The following NAALADL2 variants were observed in gnomAD, a reference collection of about 807,000 sequenced individuals.
The protein encoded by NAALADL2 is N-acetylated alpha-linked acidic dipeptidase like 2, also known as inactive N-acetylated-alpha-linked acidic dipeptidase-like protein 2.
A neutral mutation model predicts 87.2 loss-of-function variants in NAALADL2; 76 were observed. The observed-to-expected ratio is 0.87, with a 90% CI of 0.72 to 1.05. NAALADL2 has a LOEUF of 1.05. Ranked by LOEUF, NAALADL2 falls within the 50% of genes least tolerant of loss-of-function variation. The pLI, the probability that NAALADL2 is intolerant of heterozygous loss-of-function variation, is 0.00. For missense variants in NAALADL2, 1,089 were observed against 945.8 expected (o/e 1.15, Z -1.99); for synonymous variants, 354 against 331.0 (o/e 1.07, Z -0.75).
chr3:174,700,591 A>G (rs1729460134), intron 2 of NAALADL2, among the ~76,000 whole-genome samples: 1 of 152,156 alleles, frequency 6.6e-6, no homozygotes, highest in South Asian at 2.1e-4. Context: ...AAAAAAATGT[A>G]TTGAATGCTT....
At chr3:175,193,021 A>G (rs1738437333) in intron 2 of NAALADL2, among the ~76,000 whole-genome samples, 1 of 151,930 alleles carries the variant, frequency 6.6e-6, no homozygotes, top group African/African-American at 2.4e-5. Flanking sequence ...TCACACACTT[A>G]TCACTGGATT....
At chr3:174,457,752 A>G (rs1050149608) in intron 1 of NAALADL2, among the ~76,000 whole-genome samples, 1 of 152,116 alleles carries the variant, frequency 6.6e-6, no homozygotes, top group Non-Finnish European at 1.5e-5. Context: ...TGGAGGTTGT[A>G]GTGAGCTAAG....
intron 1 of NAALADL2, among the ~76,000 whole-genome samples, chr3:174,878,087 A>G (rs538944248): frequency 1.3e-5 from 2 of 152,118 alleles, no homozygotes; most frequent in Non-Finnish European, 2.9e-5. Context: ...ATTTGGTTAC[A>G]TCGTGTCTGA....
intron 1 of NAALADL2, among the ~76,000 whole-genome samples, chr3:174,977,830 C>T (rs545222381): frequency 2.8e-4 from 43 of 152,256 alleles, no homozygotes; most frequent in Non-Finnish European, 4.0e-4. Context: ...AGAATATGTG[C>T]CAGCTCTAAA....
At chr3:174,600,352 T>G (rs1271483835) in intron 2 of NAALADL2, among the ~76,000 whole-genome samples, 1 of 152,132 alleles carries the variant, frequency 6.6e-6, no homozygotes, top group Non-Finnish European at 1.5e-5. Flanking sequence ...AGTTCAAGAA[T>G]AGTTGGTCAA....
chr3:174,872,977 C>G (rs1157220754), intron 1 of NAALADL2, among the ~76,000 whole-genome samples: 1 of 152,044 alleles, frequency 6.6e-6, no homozygotes, highest in Non-Finnish European at 1.5e-5. Flanking sequence ...ATGGACATCC[C>G]CAACCTCCTC....
At chr3:175,698,995 G>A (rs1386369987) in intron 11 of NAALADL2, among the ~76,000 whole-genome samples, 3 of 152,004 alleles carry the variant, frequency 2.0e-5, no homozygotes, top group Non-Finnish European at 4.4e-5. Context: ...AGACTCTAAA[G>A]TGTCTGGTTC....
chr3:175,361,550 A>G (rs200504556), intron 5 of NAALADL2, among the ~76,000 whole-genome samples: 1 of 148,118 alleles, frequency 6.8e-6, no homozygotes, highest in African/African-American at 2.5e-5. Context: ...CTTATTAATG[A>G]TTACCATTCC....
intron 1 of NAALADL2, among the ~76,000 whole-genome samples, chr3:175,091,040 A>G (rs2108319257): frequency 6.6e-6 from 1 of 152,244 alleles, no homozygotes; most frequent in East Asian, 1.9e-4. Context: ...TACTATTTTT[A>G]TAGTTTTATT....
At chr3:175,341,253 T>C (rs191591183) in intron 5 of NAALADL2, among the ~76,000 whole-genome samples, 2 of 152,254 alleles carry the variant, frequency 1.3e-5, no homozygotes, top group East Asian at 1.9e-4. Flanking sequence ...AATCATACAA[T>C]GTGTGGTTTT....
intron 11 of NAALADL2, among the ~76,000 whole-genome samples, chr3:175,730,406 A>ATC (rs1743531994): frequency 1.6e-5 from 1 of 61,368 alleles, no homozygotes; most frequent in Non-Finnish European, 3.2e-5. Context: ...ATATATATAT[A>ATC]TATATATATA....
At chr3:174,923,661 T>A (rs1388350376) in intron 1 of NAALADL2, among the ~76,000 whole-genome samples, 2 of 152,202 alleles carry the variant, frequency 1.3e-5, no homozygotes, top group African/African-American at 2.4e-5. Flanking sequence ...CACATCTAGA[T>A]GCCACCATTT....
intron 5 of NAALADL2, among the ~76,000 whole-genome samples, chr3:175,416,808 T>C (rs1422737322): frequency 6.6e-6 from 1 of 151,870 alleles, no homozygotes; most frequent in African/African-American, 2.4e-5. Context: ...ACTGAGATGA[T>C]TGCAAAAAAA....
At chr3:174,839,960 A>C (rs1199357362) in intron 3 of NAALADL2, among the ~76,000 whole-genome samples, 1 of 152,180 alleles carries the variant, frequency 6.6e-6, no homozygotes, top group Non-Finnish European at 1.5e-5. Flanking sequence ...TTAAAGAAGT[A>C]AAAGTAGAAC....
chr3:175,187,958 C>T (rs1011053872), intron 2 of NAALADL2, among the ~76,000 whole-genome samples: 10 of 152,214 alleles, frequency 6.6e-5, no homozygotes, highest in East Asian at 5.8e-4. Context: ...TTTTCCTGTA[C>T]GTATTTTCTC....
chr3:175,089,229 T>G (rs1719625916), intron 1 of NAALADL2, among the ~76,000 whole-genome samples: 1 of 152,116 alleles, frequency 6.6e-6, no homozygotes, highest in Non-Finnish European at 1.5e-5. Context: ...GATCTGAGGA[T>G]CCACATAGGA....
In NAALADL2 at chr3:174,674,912, C is replaced by G. The variant is rs538800196; in HGVS notation, c.-114-62729C>G. Among the ~76,000 whole-genome samples, 10 of 152,114 alleles carry G rather than the reference C, an allele frequency of 6.6e-5. No individual in the cohort carries two copies. The East Asian group carries it at 1.9e-3, about 29-fold the overall frequency. On this transcript the variant is annotated intron_variant, in intron 2 of 3. Coordinates refer to the NAALADL2 transcript ENST00000434257. The stretch of plus-strand genomic sequence containing the variant: ...CTACTTTTTTAAAAAATTGAGTGTT[C>G]TCAAATTCTGTTTTCTGTCAGTCAG...
chr3:175,780,159 C>T (rs1750840255), intron 13 of NAALADL2, among the ~76,000 whole-genome samples: 1 of 151,472 alleles, frequency 6.6e-6, no homozygotes, highest in South Asian at 2.1e-4. Flanking sequence ...ACCTGTAGTC[C>T]CAGGTACTCG....
intron 5 of NAALADL2, among the ~76,000 whole-genome samples, chr3:175,325,131 G>C (rs1211637504): frequency 6.6e-6 from 1 of 152,032 alleles, no homozygotes; most frequent in Non-Finnish European, 1.5e-5. Context: ...AATTATTTAT[G>C]TGTTCTGCCA....
Sources: gnomAD v4.1 joint callset for allele counts (sites outside exome capture counted in the v4.1 genomes callset) on GRCh38, gnomAD v4.1.1 for gene constraint, MANE v1.5 for transcripts, NCBI Gene and HGNC (gene_info 2026-07-23, HGNC 2026-07-21) for gene names.